Variants in TSPAN15 observed in about 807,000 individuals in gnomAD.
TSPAN15 encodes the protein tetraspanin 15.
Under a neutral mutation model 34.5 loss-of-function variants are expected in TSPAN15, and 20 were observed. The observed-to-expected ratio is 0.58, with a 90% confidence interval of 0.41 to 0.84. The LOEUF is 0.84. Among genes scored for constraint, TSPAN15 ranks in the 40% least tolerant of loss-of-function variants. TSPAN15 has a pLI of 0.00. For missense variants in TSPAN15, 313 were observed against 386.1 expected (o/e 0.81, Z 1.59); for synonymous variants, 155 against 153.9 (o/e 1.01, Z -0.05).
At position 69,506,100 on chromosome 10, in the gene TSPAN15, C is replaced by A; in HGVS notation, c.619-24C>A. On this transcript the variant is annotated intron_variant, in intron 6 of 7. Transcript: ENST00000373290. The surrounding 1 kb of genome is among the most constrained non-coding windows in gnomAD (Gnocchi z 4.7). Reference sequence around the variant, plus strand: ...CTGCCAGCCGAGGTCCTCTGCTGGGCTGACCCAGCTCCTTCCCATGCAGCG... The same window carrying A: ...CTGCCAGCCGAGGTCCTCTGCTGGGATGACCCAGCTCCTTCCCATGCAGCG... 6.2e-7 allele frequency: 1 copy of A among 1,606,058 alleles called. No individual in the cohort carries two copies. Among genetic ancestry groups the A allele is most frequent in the South Asian group, 1.1e-5 (1 of 90,526 alleles).
rs1305502795 is a variant in TSPAN15 at position 69,451,549 on chromosome 10, C to A, written c.-46C>A. On this transcript the variant is annotated 5_prime_UTR_variant, in exon 1 of 8. Coordinates refer to ENST00000373290, the MANE Select transcript of TSPAN15 (RefSeq NM_012339.5). ...CACGAGCGCTGGCTGAGGGACCGAGCCGGAGAGCCCCGGAGCCCCCGTAAC... is the reference window on the plus strand; with the variant it reads ...CACGAGCGCTGGCTGAGGGACCGAGACGGAGAGCCCCGGAGCCCCCGTAAC... 3 of 1,349,240 alleles carry A rather than the reference C, an allele frequency of 2.2e-6. No homozygotes were observed. The East Asian group carries it at 9.1e-5, about 41-fold the overall frequency. 83.6% of individuals were successfully genotyped at this position (1,349,240 alleles called of 1,614,324 possible).
chr10:69,542,274 T>C, the TSPAN15 span, among the ~76,000 whole-genome samples: 1 of 152,206 alleles, frequency 6.6e-6, no homozygotes, highest in Non-Finnish European at 1.5e-5. Flanking sequence ...TGGACTTCAT[T>C]GTCCACATCA....
chr10:69,544,113 C>G, the TSPAN15 span, among the ~76,000 whole-genome samples: 1 of 152,060 alleles, frequency 6.6e-6, no homozygotes, highest in Non-Finnish European at 1.5e-5. Context: ...AGAAGAGGCC[C>G]CAGCCCTATT....
At chr10:69,545,274 G>C in the TSPAN15 span, among the ~76,000 whole-genome samples, 2 of 152,200 alleles carry the variant, frequency 1.3e-5, no homozygotes, top group Non-Finnish European at 2.9e-5. Context: ...CACCCACTCA[G>C]ATTTGTGTCC....
chr10:69,479,643 C>T (rs554814358), intron 1 of TSPAN15, among the ~76,000 whole-genome samples: 2 of 152,208 alleles, frequency 1.3e-5, no homozygotes, highest in African/African-American at 4.8e-5. Flanking sequence ...CAGAGTGGAG[C>T]GGATGGGATT....
chr10:69,453,723 C>CT (rs1442932173), intron 1 of TSPAN15, among the ~76,000 whole-genome samples: 2 of 152,334 alleles, frequency 1.3e-5, no homozygotes, highest in East Asian at 1.9e-4. Context: ...AAACTGAACT[C>CT]TAATTTTTAA....
chr10:69,540,026 G>T, the TSPAN15 span, among the ~76,000 whole-genome samples: 1 of 151,964 alleles, frequency 6.6e-6, no homozygotes, highest in African/African-American at 2.4e-5. Context: ...GAATAGTTGG[G>T]ATTACAGGCA....
the TSPAN15 span, among the ~76,000 whole-genome samples, chr10:69,515,403 T>TCCTC: frequency 6.6e-6 from 1 of 151,860 alleles, no homozygotes; most frequent in Non-Finnish European, 1.5e-5. Context: ...GTTCCATCTG[T>TCCTC]CCTCTCACAG....
intron 1 of TSPAN15, among the ~76,000 whole-genome samples, chr10:69,457,248 A>C (rs967220873): frequency 6.6e-6 from 1 of 152,160 alleles, no homozygotes; most frequent in African/African-American, 2.4e-5. Context: ...CTGTGCACAC[A>C]GTAGGTGCTC....
At chr10:69,480,490 C>T (rs1435986003) in intron 1 of TSPAN15, among the ~76,000 whole-genome samples, 1 of 152,212 alleles carries the variant, frequency 6.6e-6, no homozygotes, top group Non-Finnish European at 1.5e-5. Context: ...CTGCTACCTT[C>T]CAGTACCCGA....
chr10:69,515,314 C>T, the TSPAN15 span, among the ~76,000 whole-genome samples: 2 of 152,186 alleles, frequency 1.3e-5, no homozygotes, highest in African/African-American at 4.8e-5. Context: ...GTCCTATCCA[C>T]CACTCTAGCC....
intron 1 of TSPAN15, 59 bp downstream of exon 1, chr10:69,451,749 C>G (rs1840973487): frequency 7.5e-7 from 1 of 1,339,068 alleles, no homozygotes; most frequent in African/African-American, 1.5e-5. Context: ...CGGCCGCCCC[C>G]TCACTGGCCC....
chr10:69,507,183 A>G lies in TSPAN15; in HGVS notation c.*205A>G. 1 of 1,420,354 alleles carries G rather than the reference A, an allele frequency of 7.0e-7. No individual in the cohort carries two copies. Among genetic ancestry groups the G allele is most frequent in the South Asian group, 1.5e-5 (1 of 64,832 alleles). The allele number at this position is 1,420,354 out of a possible 1,614,324, so 88.0% of individuals were successfully genotyped here. A position where few individuals can be genotyped will look rare whatever the true frequency, so the allele number is the denominator to read the frequency against. On this transcript the variant is annotated 3_prime_UTR_variant, in exon 8 of 8. Transcript: ENST00000373290. ...GGCCTCCCCTAAGAGGCTTTCCCCG[A>G]GGCAGCTCTGGAATCTGTGCCCACC...
intron 1 of TSPAN15, among the ~76,000 whole-genome samples, chr10:69,457,617 T>A (rs953231666): frequency 5.9e-5 from 9 of 152,180 alleles, no homozygotes; most frequent in African/African-American, 2.2e-4. Flanking sequence ...CTTTCTGGGC[T>A]TTCTCCAAGG....
the TSPAN15 span, among the ~76,000 whole-genome samples, chr10:69,534,818 T>TA: frequency 0.14 from 17,432 of 123,780 alleles, 1,273 homozygotes; most frequent in Non-Finnish European, 0.16. Context: ...CCCTGTATCT[T>TA]AAAAAAAAAA....
At chr10:69,485,315 C>T (rs1001054880) in intron 3 of TSPAN15, 100 bp downstream of exon 3, 2 of 955,920 alleles carry the variant, frequency 2.1e-6, no homozygotes, top group Non-Finnish European at 3.4e-6. Flanking sequence ...GGCAGATAAC[C>T]CCCATGGAGC....
chr10:69,488,877 G>T (rs147414519), intron 3 of TSPAN15, among the ~76,000 whole-genome samples: 6 of 152,162 alleles, frequency 3.9e-5, no homozygotes, highest in African/African-American at 1.4e-4. Flanking sequence ...AAGGCAAAGG[G>T]CAAAAGCAGA....
chr10:69,491,314 G>T (rs1841964056), intron 3 of TSPAN15, among the ~76,000 whole-genome samples: 1 of 152,200 alleles, frequency 6.6e-6, no homozygotes, highest in South Asian at 2.1e-4. Context: ...TGATGGCTTG[G>T]CTCCAGGCGC....
At chr10:69,460,965 T>A (rs1406185344) in intron 1 of TSPAN15, among the ~76,000 whole-genome samples, 1 of 152,154 alleles carries the variant, frequency 6.6e-6, no homozygotes, top group Non-Finnish European at 1.5e-5. Context: ...CATGGACAAC[T>A]CTCTGTGCCT....
Sources: gnomAD v4.1 joint callset for allele counts (sites outside exome capture counted in the v4.1 genomes callset) on GRCh38, gnomAD v4.1.1 for gene constraint, Gnocchi (gnomAD v3.1) non-coding constraint, MANE v1.5 for transcripts, NCBI Gene and HGNC (gene_info 2026-07-23, HGNC 2026-07-21) for gene names.